LIN54: variants seen among roughly 807,000 people sequenced by gnomAD.
LIN54 encodes the protein lin-54 DREAM MuvB core complex component.
A neutral mutation model predicts 78.7 loss-of-function variants in LIN54; 9 were observed. The observed-to-expected ratio is 0.11, with a 90% CI of 0.07 to 0.20. The LOEUF is 0.20. LIN54 is among the 10% of genes least tolerant of loss of function. The pLI is 1.00. For synonymous variants in LIN54, 269 were observed against 318.4 expected, an observed-to-expected ratio of 0.84 and a Z score of 1.65; for missense variants, 573 against 889.9, an observed-to-expected ratio of 0.64 and a Z score of 4.53.
chr4:82,965,445 A>T (rs1235706332), intron 4 of LIN54, among the ~76,000 whole-genome samples: 2 of 152,154 alleles, frequency 1.3e-5, no homozygotes, highest in Non-Finnish European at 2.9e-5. Flanking sequence ...TTGTAATGAG[A>T]ATAATCATGG....
intron 5 of LIN54, among the ~76,000 whole-genome samples, chr4:82,945,052 G>A (rs1480796315): frequency 6.6e-6 from 1 of 152,214 alleles, no homozygotes; most frequent in Non-Finnish European, 1.5e-5. Flanking sequence ...AGTAGAGACG[G>A]GGTTTCGCCA....
intron 4 of LIN54, among the ~76,000 whole-genome samples, chr4:82,966,507 C>T (rs1167395678): frequency 6.6e-6 from 1 of 150,384 alleles, no homozygotes; most frequent in East Asian, 2.0e-4. Flanking sequence ...TGGAGAATGC[C>T]AGGGCTTTAC....
chr4:83,005,863 A>C (rs992826831), intron 1 of LIN54, among the ~76,000 whole-genome samples: 7 of 152,180 alleles, frequency 4.6e-5, no homozygotes, highest in Non-Finnish European at 8.8e-5. Flanking sequence ...TCACAAGAGC[A>C]AAGACATGGA....
chr4:82,998,327 G>A (rs1336158127), intron 1 of LIN54, among the ~76,000 whole-genome samples: 2 of 151,868 alleles, frequency 1.3e-5, no homozygotes, highest in Non-Finnish European at 2.9e-5. Flanking sequence ...GACAGATCAC[G>A]AGGTCAGGAG....
At chr4:82,961,268 T>C (rs1724769877) in intron 4 of LIN54, among the ~76,000 whole-genome samples, 1 of 152,192 alleles carries the variant, frequency 6.6e-6, no homozygotes, top group Non-Finnish European at 1.5e-5. Flanking sequence ...CAGCCCAATG[T>C]TGAATCTAGA....
At chr4:82,960,234 C>G (rs1307881276) in intron 4 of LIN54, among the ~76,000 whole-genome samples, 1 of 152,116 alleles carries the variant, frequency 6.6e-6, no homozygotes, top group Non-Finnish European at 1.5e-5. Context: ...ATGATCAGAG[C>G]TCACTGTAAC....
intron 4 of LIN54, among the ~76,000 whole-genome samples, chr4:82,964,009 T>G (rs1473377509): frequency 6.6e-6 from 1 of 152,122 alleles, no homozygotes; most frequent in Non-Finnish European, 1.5e-5. Context: ...ATTATGACAT[T>G]TTTTAACTTT....
chr4:83,000,076 T>A (rs1456720232), intron 1 of LIN54, among the ~76,000 whole-genome samples: 1 of 152,052 alleles, frequency 6.6e-6, no homozygotes, highest in Non-Finnish European at 1.5e-5. Context: ...TAAATTTTTA[T>A]AGAGATAGGG....
chr4:82,940,609 A>G (rs1560724945), intron 5 of LIN54, among the ~76,000 whole-genome samples: 1 of 152,160 alleles, frequency 6.6e-6, no homozygotes, highest in Non-Finnish European at 1.5e-5. Flanking sequence ...GCCAGGCTGA[A>G]CCCAATGTCT....
chr4:82,931,173 C>A, intron 11 of LIN54, 28 bp from the exon 12 acceptor site: 1 of 1,557,222 alleles, frequency 6.4e-7, no homozygotes. Context: ...GAAAAGTTTC[C>A]AAATCAAAAC....
At chr4:82,950,142 C>T (rs1723743175) in intron 4 of LIN54, among the ~76,000 whole-genome samples, 1 of 152,140 alleles carries the variant, frequency 6.6e-6, no homozygotes, top group African/African-American at 2.4e-5. Flanking sequence ...CCAGCCAGCA[C>T]AAAACTATTA....
chr4:82,987,301 T>C (rs530419789), intron 1 of LIN54, among the ~76,000 whole-genome samples: 108 of 152,214 alleles, frequency 7.1e-4, no homozygotes, highest in African/African-American at 2.5e-3. Context: ...AAAAATTTTT[T>C]TAAAAAGATG....
intron 5 of LIN54, among the ~76,000 whole-genome samples, chr4:82,941,326 T>G (rs1473394): frequency 0.18 from 27,980 of 151,762 alleles, 2,754 homozygotes; most frequent in South Asian, 0.32. Context: ...AAGCTTAATC[T>G]TGGGAAGCTG....
intron 3 of LIN54, among the ~76,000 whole-genome samples, chr4:82,975,712 T>TA (rs1173452503): frequency 6.1e-4 from 84 of 137,998 alleles, no homozygotes; most frequent in African/African-American, 1.3e-3. Context: ...AAACTCCATC[T>TA]AAAAAAAAAA....
chr4:83,002,933 A>G (rs1245785690), intron 1 of LIN54, among the ~76,000 whole-genome samples: 1 of 152,144 alleles, frequency 6.6e-6, no homozygotes, highest in African/African-American at 2.4e-5. Context: ...TAATCCCCAC[A>G]TTGTTCAAGG....
At chr4:82,936,181 A>G in intron 10 of LIN54, 63 bp from the exon 11 acceptor site, 1 of 1,586,512 alleles carries the variant, frequency 6.3e-7, no homozygotes, top group South Asian at 1.1e-5. Context: ...TAAACACTGC[A>G]AAAGGAATTG....
At chr4:82,931,737 T>A (rs1721971674) in intron 11 of LIN54, among the ~76,000 whole-genome samples, 1 of 152,222 alleles carries the variant, frequency 6.6e-6, no homozygotes, top group Non-Finnish European at 1.5e-5. Context: ...TAAGTATATA[T>A]AAAATCCTAG....
chr4:82,937,120 C>A, intron 9 of LIN54, 107 bp downstream of exon 9: 1 of 752,104 alleles, frequency 1.3e-6, no homozygotes, highest in Non-Finnish European at 2.5e-6. Flanking sequence ...ATTTAAATTA[C>A]TTAGACTTAT....
chr4:82,950,622 T>C (rs901458602), intron 4 of LIN54, among the ~76,000 whole-genome samples: 4 of 152,212 alleles, frequency 2.6e-5, no homozygotes, highest in African/African-American at 9.6e-5. Context: ...CTTTAAGAGT[T>C]GGGCTAAAAA....
Sources: gnomAD v4.1 joint callset for allele counts (sites outside exome capture counted in the v4.1 genomes callset) on GRCh38, gnomAD v4.1.1 for gene constraint, MANE v1.5 for transcripts, NCBI Gene and HGNC (gene_info 2026-07-23, HGNC 2026-07-21) for gene names.